Variants in NXN observed in about 807,000 individuals in gnomAD.
The protein encoded by NXN is nucleoredoxin, also known as nucleoredoxin 1.
In NXN, 16 loss-of-function variants were observed where a neutral mutation model predicts 48.6. That is an observed-to-expected ratio of 0.33 (90% CI 0.22 to 0.50). The LOEUF (loss-of-function observed/expected upper bound fraction) is 0.50, where lower values mean the gene tolerates loss of function less well. NXN is among the 20% of genes least tolerant of loss of function. NXN has a pLI of 0.98. For missense variants in NXN, 492 were observed against 605.5 expected (o/e 0.81, Z 1.97); for synonymous variants, 281 against 269.6 (o/e 1.04, Z -0.41).
intron 1 of NXN, among the ~76,000 whole-genome samples, chr17:905,656 C>T (rs1859407816): frequency 6.6e-6 from 1 of 152,138 alleles, no homozygotes; most frequent in African/African-American, 2.4e-5. Flanking sequence ...CCACATGTAT[C>T]ATCTTAAATT....
intron 1 of NXN, chr17:909,541 T>C (rs1231082651): frequency 6.8e-6 from 1 of 147,266 alleles, no homozygotes; most frequent in East Asian, 2.0e-4. Flanking sequence ...AATTTTTTTT[T>C]TTTTTTTTTT....
intron 5 of NXN, among the ~76,000 whole-genome samples, chr17:812,729 G>C (rs1413507058): frequency 1.4e-5 from 2 of 142,830 alleles, no homozygotes; most frequent in East Asian, 4.1e-4. Context: ...TAGGGTGTGT[G>C]AGTGTAGGGT....
At chr17:934,198 C>A (rs1208526818) in intron 1 of NXN, among the ~76,000 whole-genome samples, 1 of 152,194 alleles carries the variant, frequency 6.6e-6, no homozygotes, top group East Asian at 1.9e-4. Context: ...GTAATCCCAG[C>A]ACTTTGGGAG....
chr17:908,495 C>T (rs1251820630), intron 1 of NXN, among the ~76,000 whole-genome samples: 4 of 152,038 alleles, frequency 2.6e-5, no homozygotes, highest in Admixed American at 6.6e-5. Context: ...GAGATTGTGC[C>T]GTTGCACTCC....
In NXN at chr17:919,642, G is replaced by A. The variant is rs754003461; in HGVS notation, c.360+59677C>T. On this transcript the variant is annotated intron_variant, in intron 1 of 7. Coordinates refer to ENST00000336868, the MANE Select transcript of NXN (RefSeq NM_022463.5). This position sits in a 1 kb window ranked among gnomAD's most constrained non-coding sequence, Gnocchi z 5.1. The stretch of plus-strand genomic sequence containing the variant: ...TTCGTCCCACGCGGCCCTCAGACAC[G>A]GGCTCTGGTTCAAGGTGGGAGACAG... 3.9e-5 allele frequency among the ~76,000 whole-genome samples: 6 copies of A among 152,048 alleles called. No homozygotes were observed. The highest frequency in any genetic ancestry group is 7.4e-5 in the Non-Finnish European group (5 of 68,018).
At chr17:882,624 C>T (rs1017244586) in intron 1 of NXN, among the ~76,000 whole-genome samples, 76 of 152,104 alleles carry the variant, frequency 5.0e-4, no homozygotes, top group African/African-American at 1.8e-3. Context: ...CACCACCATG[C>T]CCGGCTAATT....
At chr17:960,345 C>T (rs541234461) in intron 1 of NXN, among the ~76,000 whole-genome samples, 7 of 152,168 alleles carry the variant, frequency 4.6e-5, no homozygotes, top group African/African-American at 1.7e-4. Flanking sequence ...AACTTTTAAC[C>T]GCCAACCCTT....
chr17:807,685 T>C (rs948363723), intron 5 of NXN, among the ~76,000 whole-genome samples: 1 of 152,212 alleles, frequency 6.6e-6, no homozygotes, highest in Admixed American at 6.5e-5. Flanking sequence ...ACTGTCTGCA[T>C]AAGCAGAAAC....
chr17:803,889 G>T, intron 6 of NXN, 83 bp from the exon 7 acceptor site: 9 of 1,577,116 alleles, frequency 5.7e-6, no homozygotes, highest in Non-Finnish European at 7.8e-6. Flanking sequence ...GAGGGGGCCT[G>T]AGCTGCAGAA....
intron 1 of NXN, among the ~76,000 whole-genome samples, chr17:879,681 A>G (rs1401843882): frequency 6.6e-6 from 1 of 152,102 alleles, no homozygotes; most frequent in Admixed American, 6.6e-5. Flanking sequence ...GTCCAACACA[A>G]AGGCCTCTTG....
intron 1 of NXN, among the ~76,000 whole-genome samples, chr17:912,815 G>A (rs1000203058): frequency 1.3e-5 from 2 of 152,132 alleles, no homozygotes; most frequent in Admixed American, 1.3e-4. Flanking sequence ...TTAGCCGGGC[G>A]TGGTGGTACG....
chr17:855,903 G>A (rs1333647282), intron 1 of NXN, among the ~76,000 whole-genome samples: 1 of 152,058 alleles, frequency 6.6e-6, no homozygotes, highest in Non-Finnish European at 1.5e-5. Context: ...AGATAAGAGG[G>A]TCCAATCTAG....
Position 941,764 on chromosome 17 carries a change from C to G in NXN, c.360+37555G>C, listed in dbSNP as rs2068978342. 4.0e-5 allele frequency among the ~76,000 whole-genome samples: 2 copies of G among 50,120 alleles called. 1 individual carries two copies. The highest frequency in any genetic ancestry group is 8.3e-5 in the Non-Finnish European group (2 of 24,180). 32.9% of individuals were successfully genotyped at this position (50,120 alleles called of 152,430 possible). ...AACACCTCCCTGGATTTACAGCGAA[C>G]AAGATTCCAGGGTGCAGCCATGAAC... On this transcript the variant is annotated intron_variant, in intron 1 of 7. Transcript: ENST00000336868.
At chr17:930,907 G>A (rs565089772) in intron 1 of NXN, among the ~76,000 whole-genome samples, 99 of 152,012 alleles carry the variant, frequency 6.5e-4, no homozygotes, top group African/African-American at 2.4e-3. Context: ...GAGTAGCTGG[G>A]ACTACAGGTG....
At chr17:841,506 C>T (rs1490720357) in intron 1 of NXN, among the ~76,000 whole-genome samples, 12 of 123,122 alleles carry the variant, frequency 9.7e-5, no homozygotes, top group East Asian at 2.1e-4. Flanking sequence ...GCGCATCTCA[C>T]ACGGGCGAGC....
At chr17:840,107 A>AAAG (rs1555612554) in intron 1 of NXN, among the ~76,000 whole-genome samples, 79 of 137,652 alleles carry the variant, frequency 5.7e-4, no homozygotes, top group African/African-American at 2.0e-3. Flanking sequence ...AAAAAAAAAA[A>AAAG]AGAGAGAGAG....
rs369365350 is a variant in NXN at position 863,358 on chromosome 17, G to A, written c.361-37280C>T. Among the ~76,000 whole-genome samples, 18 of 152,168 alleles carry A rather than the reference G, an allele frequency of 1.2e-4. 2 individuals are homozygous for A. The highest frequency in any genetic ancestry group is 4.1e-4 in the African/African-American group (17 of 41,546). ...AATTTTTTGTATTTTTAGTAGAGAC[G>A]GGGTTTCACCGTGTGAGCCAGGATG... On this transcript the variant is annotated intron_variant, in intron 1 of 7. Coordinates refer to ENST00000336868, the MANE Select transcript of NXN (RefSeq NM_022463.5).
At chr17:823,847 A>T in intron 2 of NXN, 82 bp from the exon 3 acceptor site, 2 of 1,464,316 alleles carry the variant, frequency 1.4e-6, no homozygotes, top group Non-Finnish European at 1.9e-6. Context: ...AGCGGTTAAG[A>T]CTCTTCTTGA....
At position 839,963 on chromosome 17, in the gene NXN, G is replaced by A. The variant is rs561156364; in HGVS notation, c.361-13885C>T. 2.0e-5 allele frequency among the ~76,000 whole-genome samples: 3 copies of A among 151,950 alleles called. No homozygotes were observed. The South Asian group carries it at 6.2e-4, about 32-fold the overall frequency. ...CATACAACAATTAGCTGGGCAAGGA[G>A]ACAGGTGCCTGTAATCCCAGCTACT... On this transcript the variant is annotated intron_variant, in intron 1 of 7. Transcript: ENST00000336868.
Sources: gnomAD v4.1 joint callset for allele counts (sites outside exome capture counted in the v4.1 genomes callset) on GRCh38, gnomAD v4.1.1 for gene constraint, Gnocchi (gnomAD v3.1) non-coding constraint, MANE v1.5 for transcripts, NCBI Gene and HGNC (gene_info 2026-07-23, HGNC 2026-07-21) for gene names.